Variants in CSNK2A2IP observed in about 807,000 individuals in gnomAD.
CSNK2A2IP encodes casein kinase 2 subunit alpha' interacting protein.
At chr3:88,413,918 T>C in the CSNK2A2IP span, among the ~76,000 whole-genome samples, 1 of 151,934 alleles carries the variant, frequency 6.6e-6, no homozygotes, top group South Asian at 2.1e-4. Context: ...AAAGATAATT[T>C]CCTTAATAGA....
At chr3:88,418,461 T>TGCGC in the CSNK2A2IP span, among the ~76,000 whole-genome samples, 5 of 75,866 alleles carry the variant, frequency 6.6e-5, no homozygotes, top group African/African-American at 1.9e-4. Flanking sequence ...TGTGTGTGTG[T>TGCGC]GTGCGCGCGG....
At chr3:88,450,108 A>T in the CSNK2A2IP span, among the ~76,000 whole-genome samples, 8,664 of 151,644 alleles carry the variant, frequency 0.057, 434 homozygotes, top group East Asian at 0.24. Context: ...ACCTCAAGTG[A>T]TCCTCCCGCC....
the CSNK2A2IP span, among the ~76,000 whole-genome samples, chr3:88,407,072 G>A: frequency 6.6e-6 from 1 of 152,098 alleles, no homozygotes; most frequent in Non-Finnish European, 1.5e-5. Context: ...AGACCACAAA[G>A]CAGAGAGAAG....
chr3:88,338,528 ATG>A, the CSNK2A2IP span: 1 of 152,054 alleles, frequency 6.6e-6, no homozygotes, highest in Admixed American at 6.6e-5. Context: ...GATCGAGGCA[ATG>A]GGTTAATGGA....
At chr3:88,441,807 C>A in the CSNK2A2IP span, among the ~76,000 whole-genome samples, 3 of 152,052 alleles carry the variant, frequency 2.0e-5, no homozygotes, top group Middle Eastern at 3.2e-3. Flanking sequence ...CAAATGCATT[C>A]TTTAAGAAAC....
the CSNK2A2IP span, among the ~76,000 whole-genome samples, chr3:88,354,168 C>G: frequency 6.6e-6 from 1 of 152,194 alleles, no homozygotes; most frequent in Non-Finnish European, 1.5e-5. Context: ...ACCCTTCTTG[C>G]ATATCTTGCA....
At chr3:88,375,341 C>T in the CSNK2A2IP span, among the ~76,000 whole-genome samples, 2 of 151,688 alleles carry the variant, frequency 1.3e-5, no homozygotes, top group Non-Finnish European at 2.9e-5. Flanking sequence ...TCTCTTCTAT[C>T]CTGTTGTTGG....
At chr3:88,380,989 G>T in the CSNK2A2IP span, among the ~76,000 whole-genome samples, 5 of 152,256 alleles carry the variant, frequency 3.3e-5, no homozygotes, top group Admixed American at 1.3e-4. Flanking sequence ...GTGTAAACAG[G>T]GTGCCAGTCA....
At chr3:88,418,262 C>T in the CSNK2A2IP span, among the ~76,000 whole-genome samples, 1 of 151,974 alleles carries the variant, frequency 6.6e-6, no homozygotes, top group Non-Finnish European at 1.5e-5. Flanking sequence ...CAGTGGAATA[C>T]TCATAAAAGT....
At chr3:88,461,764 T>C in the CSNK2A2IP span, among the ~76,000 whole-genome samples, 52 of 152,150 alleles carry the variant, frequency 3.4e-4, 1 homozygote, top group South Asian at 5.6e-3. Flanking sequence ...ATATGCACTT[T>C]ATTGATTTTT....
the CSNK2A2IP span, among the ~76,000 whole-genome samples, chr3:88,383,887 T>C: frequency 6.6e-6 from 1 of 152,076 alleles, no homozygotes; most frequent in Non-Finnish European, 1.5e-5. Flanking sequence ...ATGGTCTCGA[T>C]CTCCTGACCT....
chr3:88,467,039 C>T, the CSNK2A2IP span: 3 of 1,090,556 alleles, frequency 2.8e-6, no homozygotes, highest in Non-Finnish European at 3.5e-6. Context: ...CAGTTTTTCC[C>T]CACATCTGAA....
At chr3:88,403,830 C>T in the CSNK2A2IP span, among the ~76,000 whole-genome samples, 8 of 151,916 alleles carry the variant, frequency 5.3e-5, no homozygotes, top group East Asian at 1.9e-4. Flanking sequence ...TTTGGAGTTT[C>T]GTTAATGTCC....
the CSNK2A2IP span, among the ~76,000 whole-genome samples, chr3:88,420,642 A>C: frequency 6.6e-6 from 1 of 152,306 alleles, no homozygotes; most frequent in African/African-American, 2.4e-5. Context: ...ATAATTTAGA[A>C]GGTGAGTAAA....
the CSNK2A2IP span, among the ~76,000 whole-genome samples, chr3:88,344,785 C>T: frequency 6.6e-6 from 1 of 151,774 alleles, no homozygotes; most frequent in East Asian, 1.9e-4. Context: ...TACAGTAAGT[C>T]TTAGGTAATT....
At chr3:88,375,192 C>T in the CSNK2A2IP span, among the ~76,000 whole-genome samples, 1 of 151,680 alleles carries the variant, frequency 6.6e-6, no homozygotes, top group Non-Finnish European at 1.5e-5. Context: ...AGCCCAGTGT[C>T]CGTTAGTTCT....
At chr3:88,351,730 T>A in the CSNK2A2IP span, among the ~76,000 whole-genome samples, 1 of 152,156 alleles carries the variant, frequency 6.6e-6, no homozygotes, top group African/African-American at 2.4e-5. Context: ...CATTTTCCTA[T>A]GAGAAAGCCA....
At chr3:88,436,303 T>A in the CSNK2A2IP span, among the ~76,000 whole-genome samples, 1 of 152,166 alleles carries the variant, frequency 6.6e-6, no homozygotes, top group African/African-American at 2.4e-5. Context: ...AGTGAAATTT[T>A]AAAATCAAAG....
the CSNK2A2IP span, among the ~76,000 whole-genome samples, chr3:88,463,435 A>C: frequency 6.6e-6 from 1 of 152,182 alleles, no homozygotes; most frequent in African/African-American, 2.4e-5. Flanking sequence ...CTGTCTTTTT[A>C]GGAAGCTTCT....
Sources: gnomAD v4.1 joint callset for allele counts (sites outside exome capture counted in the v4.1 genomes callset) on GRCh38, gnomAD v4.1.1 for gene constraint, MANE v1.5 for transcripts, NCBI Gene and HGNC (gene_info 2026-07-23, HGNC 2026-07-21) for gene names.